The following ZC3H12B variants were observed in gnomAD, a reference collection of about 807,000 sequenced individuals.
ZC3H12B encodes the protein probable ribonuclease ZC3H12B.
In ZC3H12B, 7 loss-of-function variants were observed where a neutral mutation model predicts 43.9. That is an observed-to-expected ratio of 0.16 (90% CI 0.09 to 0.30). ZC3H12B has a LOEUF of 0.30. ZC3H12B is among the 10% of genes least tolerant of loss of function. The pLI is 1.00. For synonymous variants in ZC3H12B, 222 were observed against 241.7 expected (o/e 0.92, Z 0.76); for missense variants, 475 against 670.2 (o/e 0.71, Z 3.22).
At chrX:65,061,324 A>G in the ZC3H12B span, among the ~76,000 whole-genome samples, 68 of 107,230 alleles carry the variant, frequency 6.3e-4, no homozygotes, top group African/African-American at 2.4e-3. Context: ...TTTGTCCAAC[A>G]TCCCCCAACA....
At chrX:65,369,811 A>G (rs998986820) in intron 2 of ZC3H12B, among the ~76,000 whole-genome samples, 2 of 111,524 alleles carry the variant, frequency 1.8e-5, no homozygotes, top group Non-Finnish European at 3.8e-5. Flanking sequence ...CCAACTTTTG[A>G]GATCTGTTTG....
At chrX:65,053,515 C>T in the ZC3H12B span, among the ~76,000 whole-genome samples, 8 of 111,705 alleles carry the variant, frequency 7.2e-5, no homozygotes, top group African/African-American at 2.6e-4. Flanking sequence ...CATTGTTGGA[C>T]ATTTGGGTTA....
At chrX:65,203,463 TG>T in the ZC3H12B span, among the ~76,000 whole-genome samples, 1 of 110,618 alleles carries the variant, frequency 9.0e-6, no homozygotes, top group Non-Finnish European at 1.9e-5. Context: ...CTGCCAGGAC[TG>T]GGTCCTTTTC....
intron 3 of ZC3H12B, among the ~76,000 whole-genome samples, chrX:65,468,633 G>A (rs574897829): frequency 7.5e-4 from 76 of 101,293 alleles, no homozygotes; most frequent in South Asian, 6.9e-3. Flanking sequence ...ACAGGTGCCC[G>A]CCACCGTGCC....
chrX:65,044,984 T>C, the ZC3H12B span, among the ~76,000 whole-genome samples: 1 of 109,480 alleles, frequency 9.1e-6, no homozygotes, highest in Admixed American at 9.8e-5. Context: ...AAAAAAAAAG[T>C]TATGTTTATA....
the ZC3H12B span, among the ~76,000 whole-genome samples, chrX:65,052,109 T>C: frequency 2.7e-5 from 3 of 111,351 alleles, no homozygotes; most frequent in Non-Finnish European, 5.7e-5. Context: ...GGCAGGTAAT[T>C]GTTTAATTAT....
At chrX:65,129,799 G>A in the ZC3H12B span, among the ~76,000 whole-genome samples, 1 of 110,836 alleles carries the variant, frequency 9.0e-6, no homozygotes, top group East Asian at 2.9e-4. Flanking sequence ...ATGTTTCTCA[G>A]GGCTACTTTG....
At chrX:65,158,299 G>T in the ZC3H12B span, among the ~76,000 whole-genome samples, 7 of 111,336 alleles carry the variant, frequency 6.3e-5, no homozygotes, top group Non-Finnish European at 9.4e-5. Flanking sequence ...GTAATGGAAT[G>T]GCTGAGTCAA....
At chrX:65,093,875 A>T in the ZC3H12B span, among the ~76,000 whole-genome samples, 3 of 111,227 alleles carry the variant, frequency 2.7e-5, no homozygotes, top group Non-Finnish European at 5.7e-5. Context: ...TGTGTTTTGC[A>T]ATGTGAGCAC....
the ZC3H12B span, among the ~76,000 whole-genome samples, chrX:65,304,108 A>T: frequency 9.8e-5 from 11 of 112,420 alleles, no homozygotes; most frequent in South Asian, 1.1e-3. Flanking sequence ...GTGTAAAGTT[A>T]TAGGACTTAC....
chrX:65,104,029 C>A, the ZC3H12B span, among the ~76,000 whole-genome samples: 1 of 111,548 alleles, frequency 9.0e-6, no homozygotes, highest in East Asian at 2.8e-4. Flanking sequence ...TACTACAAGT[C>A]TACAGTAACC....
chrX:65,069,434 C>T, the ZC3H12B span, among the ~76,000 whole-genome samples: 4 of 110,029 alleles, frequency 3.6e-5, no homozygotes, highest in Non-Finnish European at 7.6e-5. Flanking sequence ...GACTTTGATA[C>T]ATTCTTCAGT....
At chrX:65,446,348 C>A (rs767631345) in intron 3 of ZC3H12B, among the ~76,000 whole-genome samples, 1 of 111,963 alleles carries the variant, frequency 8.9e-6, no homozygotes, top group East Asian at 2.8e-4. Context: ...TGGCTGTTCC[C>A]GCTGGTGTCT....
At chrX:65,489,468 T>G in intron 1 of ZC3H12B, 59 bp downstream of exon 6, 1 of 1,122,778 alleles carries the variant, frequency 8.9e-7, no homozygotes, top group East Asian at 3.0e-5. Flanking sequence ...TCATAGAAAT[T>G]TTCTTCCTTT....
At chrX:65,442,885 C>G (rs779193631) in intron 3 of ZC3H12B, among the ~76,000 whole-genome samples, 1 of 111,709 alleles carries the variant, frequency 9.0e-6, no homozygotes, top group East Asian at 2.8e-4. Flanking sequence ...GTCTAGCTTG[C>G]TGAATTCCTG....
chrX:65,247,324 T>A, the ZC3H12B span, among the ~76,000 whole-genome samples: 1 of 111,853 alleles, frequency 8.9e-6, no homozygotes, highest in Non-Finnish European at 1.9e-5. Context: ...TGGAAGACAG[T>A]GTGGTGATTT....
At chrX:65,320,803 G>T in the ZC3H12B span, among the ~76,000 whole-genome samples, 1 of 111,945 alleles carries the variant, frequency 8.9e-6, no homozygotes, top group African/African-American at 3.2e-5. Flanking sequence ...GGGGAAGGGA[G>T]TTTCTTTTCA....
At chrX:65,279,834 CTA>C in the ZC3H12B span, among the ~76,000 whole-genome samples, 2 of 111,959 alleles carry the variant, frequency 1.8e-5, no homozygotes, top group Admixed American at 1.9e-4. Context: ...TTACAAAGGT[CTA>C]CTATCCAGCA....
At chrX:65,188,931 T>G in the ZC3H12B span, among the ~76,000 whole-genome samples, 2 of 94,061 alleles carry the variant, frequency 2.1e-5, no homozygotes, top group Non-Finnish European at 4.3e-5. Flanking sequence ...TATCTCCCAA[T>G]GCTATCCCTC....
Sources: allele counts gnomAD v4.1 joint callset (sites outside exome capture counted in the v4.1 genomes callset), GRCh38; gene constraint gnomAD v4.1.1; transcripts MANE v1.5; gene names NCBI Gene and HGNC (gene_info 2026-07-23, HGNC 2026-07-21).